AGBL4: variants seen among roughly 807,000 people sequenced by gnomAD.
The protein encoded by AGBL4 is AGBL carboxypeptidase 4.
A neutral mutation model predicts 66.4 loss-of-function variants in AGBL4; 58 were observed. The ratio of observed to expected loss-of-function variants is 0.87; its 90% CI spans 0.71 to 1.09. The LOEUF is 1.09. Ranked by LOEUF, AGBL4 falls within the 50% of genes least tolerant of loss-of-function variation. The probability of loss-of-function intolerance (pLI) is 0.00; values close to 1 mark genes in which losing one functional copy is unlikely to be tolerated. For missense variants in AGBL4, 579 were observed against 631.0 expected, an observed-to-expected ratio of 0.92 and a Z score of 0.88; for synonymous variants, 234 against 222.9, an observed-to-expected ratio of 1.05 and a Z score of -0.44.
chr1:49,069,605 A>G (rs969639272), intron 4 of AGBL4, among the ~76,000 whole-genome samples: 1 of 151,822 alleles, frequency 6.6e-6, no homozygotes, highest in Non-Finnish European at 1.5e-5. Context: ...CTGTTGTGGT[A>G]CCAATACTAT....
chr1:49,323,769 A>G (rs1347755156), intron 3 of AGBL4, among the ~76,000 whole-genome samples: 2 of 148,886 alleles, frequency 1.3e-5, no homozygotes, highest in Non-Finnish European at 3.0e-5. Context: ...GCCCCGTTTC[A>G]GAAAAAAAAA....
At chr1:49,069,941 C>T (rs1442476607) in intron 4 of AGBL4, among the ~76,000 whole-genome samples, 3 of 151,888 alleles carry the variant, frequency 2.0e-5, no homozygotes, top group Admixed American at 6.5e-5. Flanking sequence ...GTGAAGCGGT[C>T]CTTCACATCC....
At chr1:49,393,489 C>T (rs1246839526) in intron 3 of AGBL4, among the ~76,000 whole-genome samples, 1 of 152,060 alleles carries the variant, frequency 6.6e-6, no homozygotes, top group East Asian at 1.9e-4. Flanking sequence ...CACTCTCAAG[C>T]GAGAGAAGCA....
chr1:49,993,586 C>A (rs1033981095), intron 1 of AGBL4, among the ~76,000 whole-genome samples: 2 of 152,186 alleles, frequency 1.3e-5, no homozygotes, highest in African/African-American at 2.4e-5. Flanking sequence ...ATACTTGCTG[C>A]CCGGCCCTAT....
At chr1:49,854,264 G>C (rs767202543) in intron 1 of AGBL4, among the ~76,000 whole-genome samples, 3 of 151,874 alleles carry the variant, frequency 2.0e-5, no homozygotes, top group African/African-American at 4.8e-5. Flanking sequence ...GTGCCTAAGT[G>C]AGAACATTGG....
chr1:49,178,250 C>G (rs1254131976), intron 4 of AGBL4, among the ~76,000 whole-genome samples: 1 of 152,196 alleles, frequency 6.6e-6, no homozygotes, highest in Non-Finnish European at 1.5e-5. Flanking sequence ...TTATTATACA[C>G]ATGCATTAGA....
At chr1:49,165,979 G>C (rs1234730447) in intron 4 of AGBL4, among the ~76,000 whole-genome samples, 1 of 151,838 alleles carries the variant, frequency 6.6e-6, no homozygotes, top group East Asian at 1.9e-4. Flanking sequence ...AAGGAAGAGG[G>C]GCCCAGCTTT....
chr1:50,016,998 G>A (rs902110786), intron 1 of AGBL4: 3 of 152,000 alleles, frequency 2.0e-5, no homozygotes, highest in Non-Finnish European at 2.9e-5. Context: ...TACGTTCATC[G>A]CCACACTATT....
chr1:49,288,021 ATAC>A (rs1228187778), intron 3 of AGBL4, among the ~76,000 whole-genome samples: 1 of 133,900 alleles, frequency 7.5e-6, no homozygotes, highest in Non-Finnish European at 1.6e-5. Flanking sequence ...ACACCATGGA[ATAC>A]TATGCAGCCA....
intron 1 of AGBL4, among the ~76,000 whole-genome samples, chr1:49,974,093 G>C (rs531394204): frequency 6.6e-6 from 1 of 152,112 alleles, no homozygotes; most frequent in Non-Finnish European, 1.5e-5. Flanking sequence ...ACACATTTTT[G>C]AGATTTGATT....
At chr1:49,561,240 T>C (rs1382650748) in intron 3 of AGBL4, among the ~76,000 whole-genome samples, 1 of 150,034 alleles carries the variant, frequency 6.7e-6, no homozygotes, top group Non-Finnish European at 1.5e-5. Flanking sequence ...CTTTTTTAAG[T>C]TTTCTTTTTA....
intron 3 of AGBL4, among the ~76,000 whole-genome samples, chr1:49,273,230 A>G (rs1644097330): frequency 6.6e-6 from 1 of 152,160 alleles, no homozygotes; most frequent in African/African-American, 2.4e-5. Flanking sequence ...AATCTGGCAC[A>G]TGATTAAAAT....
intron 5 of AGBL4, among the ~76,000 whole-genome samples, chr1:49,003,803 A>G (rs1275074074): frequency 6.6e-6 from 1 of 152,256 alleles, no homozygotes; most frequent in East Asian, 1.9e-4. Context: ...AATTTTGTCA[A>G]AATAATCTCT....
intron 1 of AGBL4, among the ~76,000 whole-genome samples, chr1:49,978,305 A>G (rs1440085832): frequency 6.6e-6 from 1 of 152,186 alleles, no homozygotes; most frequent in Non-Finnish European, 1.5e-5. Flanking sequence ...TTAGCCAGGT[A>G]TAGTGGTATG....
chr1:49,564,715 CT>C (rs1644147474), intron 3 of AGBL4, among the ~76,000 whole-genome samples: 1 of 152,140 alleles, frequency 6.6e-6, no homozygotes, highest in Non-Finnish European at 1.5e-5. Flanking sequence ...CTGTGGAGTG[CT>C]TTACTTCCAA....
chr1:49,051,036 TA>T (rs1162353587), intron 4 of AGBL4, among the ~76,000 whole-genome samples: 8 of 152,050 alleles, frequency 5.3e-5, no homozygotes, highest in Non-Finnish European at 1.2e-4. Context: ...TAAGTTTCTC[TA>T]AAACAGCAGC....
At chr1:49,154,074 C>G (rs1646386144) in intron 4 of AGBL4, among the ~76,000 whole-genome samples, 1 of 151,952 alleles carries the variant, frequency 6.6e-6, no homozygotes, top group Admixed American at 6.6e-5. Flanking sequence ...GTGGAGAATA[C>G]CAACAAGAAA....
chr1:49,845,219 G>C, intron 2 of AGBL4: 2 of 1,500,204 alleles, frequency 1.3e-6, no homozygotes, highest in Non-Finnish European at 1.9e-6. Context: ...AAACACCAGA[G>C]AATCCACACT....
chr1:49,698,322 G>A (rs973059471), intron 2 of AGBL4, among the ~76,000 whole-genome samples: 7 of 151,970 alleles, frequency 4.6e-5, no homozygotes, highest in Non-Finnish European at 1.0e-4. Context: ...CAACTACTAC[G>A]AACACTAGTT....
Sources: gnomAD v4.1 joint callset for allele counts (sites outside exome capture counted in the v4.1 genomes callset) on GRCh38, gnomAD v4.1.1 for gene constraint, MANE v1.5 for transcripts, NCBI Gene and HGNC (gene_info 2026-07-23, HGNC 2026-07-21) for gene names.